Variants in VCL observed in about 807,000 individuals in gnomAD.
VCL encodes epididymis luminal protein 114.
Under a neutral mutation model 125.7 loss-of-function variants are expected in VCL, and 47 were observed. The observed-to-expected ratio is 0.37, with a 90% CI of 0.30 to 0.48. VCL has a LOEUF of 0.48. Among genes scored for constraint, VCL ranks in the 20% least tolerant of loss-of-function variants. The pLI is 0.99. For synonymous variants in VCL, 458 were observed against 514.6 expected, an observed-to-expected ratio of 0.89 and a Z score of 1.49; for missense variants, 1,069 against 1,455.5, an observed-to-expected ratio of 0.73 and a Z score of 4.32.
At chr10:74,113,658 T>G (rs918051924) in intron 19 of VCL, among the ~76,000 whole-genome samples, 5 of 152,090 alleles carry the variant, frequency 3.3e-5, no homozygotes, top group Admixed American at 3.3e-4. Flanking sequence ...AACGCTTGGC[T>G]GCTATTTGCA....
chr10:74,083,602 T>C, intron 8 of VCL, 89 bp downstream of exon 8: 1 of 1,526,280 alleles, frequency 6.6e-7, no homozygotes, highest in African/African-American at 1.4e-5. Flanking sequence ...CAGTTTTGAG[T>C]TATCTCTTTG....
intron 21 of VCL, among the ~76,000 whole-genome samples, chr10:74,115,561 G>A (rs1840299255): frequency 6.6e-6 from 1 of 152,146 alleles, no homozygotes; most frequent in Non-Finnish European, 1.5e-5. Flanking sequence ...CTTACCCTTG[G>A]AATAAGTTTG....
At chr10:74,030,996 C>T (rs374787850) in intron 1 of VCL, among the ~76,000 whole-genome samples, 1 of 152,272 alleles carries the variant, frequency 6.6e-6, no homozygotes, top group East Asian at 1.9e-4. Flanking sequence ...AGCTCTTGGC[C>T]TAGATCACTG....
chr10:74,050,046 A>T (rs1188374116), intron 2 of VCL, among the ~76,000 whole-genome samples: 1 of 152,228 alleles, frequency 6.6e-6, no homozygotes, highest in Non-Finnish European at 1.5e-5. Flanking sequence ...GACCTGATCC[A>T]AGGATGTTCA....
At position 74,084,761 on chromosome 10, in the gene VCL, C is replaced by T. The variant is rs142073951; in HGVS notation, c.1022+1248C>T. On this transcript the variant is annotated intron_variant, in intron 8 of 21. Transcript: ENST00000211998. ...CTGAGTAGCTAGGATTACAGGAATG[C>T]GCCACCATGCCCGGCTAAGTTTGTA... Among the ~76,000 whole-genome samples the T allele has an allele frequency of 4.0e-5, 6 of 151,548 alleles. 1 individual carries two copies. Among genetic ancestry groups the T allele is most frequent in the African/African-American group, 9.7e-5 (4 of 41,304 alleles).
chr10:74,118,417 A>G lies in VCL; in HGVS notation c.*248A>G. On this transcript the variant is annotated 3_prime_UTR_variant, in exon 22 of 22. Transcript: ENST00000211998. ...TTACACTTGTGCACCCTCTATCCCAATAGGCAGACTGGGTTTCTAGCCCAT... is the reference window on the plus strand; with the variant it reads ...TTACACTTGTGCACCCTCTATCCCAGTAGGCAGACTGGGTTTCTAGCCCAT... 1.9e-6 allele frequency: 1 copy of G among 519,596 alleles called. No homozygotes were observed. The highest frequency in any genetic ancestry group is 3.5e-6 in the Non-Finnish European group (1 of 288,390). The allele number at this position is 519,596 out of a possible 1,614,324, so 32.2% of individuals were successfully genotyped here. A position where few individuals can be genotyped will look rare whatever the true frequency, so the allele number is the denominator to read the frequency against.
intron 5 of VCL, among the ~76,000 whole-genome samples, chr10:74,073,577 G>T (rs1387355455): frequency 6.6e-6 from 1 of 152,172 alleles, no homozygotes; most frequent in African/African-American, 2.4e-5. Flanking sequence ...TGAACTCAGA[G>T]CCCTTTTTAG....
At chr10:74,096,635 T>A (rs1205896903) in intron 12 of VCL, among the ~76,000 whole-genome samples, 2 of 152,232 alleles carry the variant, frequency 1.3e-5, no homozygotes, top group Non-Finnish European at 2.9e-5. Context: ...TGTTCATGGC[T>A]TCTAAGAATA....
chr10:74,009,228 C>CCCCCCCCCCT (rs1840375924), intron 1 of VCL, among the ~76,000 whole-genome samples: 1 of 129,976 alleles, frequency 7.7e-6, no homozygotes, highest in Non-Finnish European at 1.7e-5. Context: ...CCCCCCCCCC[C>CCCCCCCCCCT]CCGAGCCATT....
intron 6 of VCL, among the ~76,000 whole-genome samples, chr10:74,081,972 A>G (rs1318893288): frequency 6.6e-6 from 1 of 152,228 alleles, no homozygotes; most frequent in East Asian, 1.9e-4. Flanking sequence ...GGTTAATTGA[A>G]TATAGTGAAA....
Position 74,090,164 on chromosome 10 carries a change from G to A in VCL, c.1318G>A (p.Ala440Thr). 1 of 1,614,150 alleles carries A rather than the reference G, an allele frequency of 6.2e-7. No homozygotes were observed. Among genetic ancestry groups the A allele is most frequent in the Non-Finnish European group, 8.5e-7 (1 of 1,180,020 alleles). The change falls in exon 10 of 22, where the codon GCT becomes ACT. Residue 440 changes from alanine (A) to threonine (T), a missense_variant. Coordinates refer to ENST00000211998, the MANE Select transcript of VCL (RefSeq NM_014000.3). ...TCTACGTTCCCTTGGGGAAATATCT[G>A]CTCTGACTTCTAAATTAGCAGATCT... ...DILRSLGEIS[A>T]LTSKLADLRR...
chr10:74,058,036 A>G (rs1273624417), intron 2 of VCL, among the ~76,000 whole-genome samples: 2 of 152,208 alleles, frequency 1.3e-5, no homozygotes, highest in Non-Finnish European at 1.5e-5. Context: ...GAAGTGATCT[A>G]TGCCTTTCTT....
intron 8 of VCL, among the ~76,000 whole-genome samples, chr10:74,086,441 C>T (rs1441331756): frequency 6.6e-6 from 1 of 152,226 alleles, no homozygotes; most frequent in African/African-American, 2.4e-5. Flanking sequence ...GAAGCAGTCT[C>T]CTCTGTCATG....
At chr10:74,114,493 AACT>A in intron 20 of VCL, 106 bp downstream of exon 20, 1 of 1,386,850 alleles carries the variant, frequency 7.2e-7, no homozygotes, top group Admixed American at 2.0e-5. Context: ...AGGAGAGAAA[AACT>A]AGGTAAGGGA....
chr10:74,062,197 C>A (rs1048927589), intron 2 of VCL, among the ~76,000 whole-genome samples: 1 of 152,012 alleles, frequency 6.6e-6, no homozygotes, highest in Non-Finnish European at 1.5e-5. Flanking sequence ...TCCTGAGTAG[C>A]TGGGACTATA....
At chr10:74,042,809 T>G (rs1841119611) in intron 1 of VCL, among the ~76,000 whole-genome samples, 1 of 152,222 alleles carries the variant, frequency 6.6e-6, no homozygotes, top group Non-Finnish European at 1.5e-5. Context: ...AATGATGAAT[T>G]TCTCCTATTA....
At chr10:74,089,664 G>C (rs1461630026) in intron 9 of VCL, among the ~76,000 whole-genome samples, 4 of 152,132 alleles carry the variant, frequency 2.6e-5, no homozygotes, top group African/African-American at 9.7e-5. Context: ...ACAACTCTTG[G>C]GTCATTGTAA....
At chr10:74,007,483 C>T (rs186064839) in intron 1 of VCL, among the ~76,000 whole-genome samples, 53 of 152,158 alleles carry the variant, frequency 3.5e-4, no homozygotes, top group African/African-American at 1.0e-3. Flanking sequence ...TATGCCTCTC[C>T]GGGTTATAGG....
intron 1 of VCL, among the ~76,000 whole-genome samples, chr10:74,011,667 T>C (rs1376422255): frequency 1.3e-5 from 2 of 152,236 alleles, no homozygotes; most frequent in Non-Finnish European, 2.9e-5. Flanking sequence ...TCTCTTTTCC[T>C]GCCCTCAAAT....
Sources: gnomAD v4.1 joint callset for allele counts (sites outside exome capture counted in the v4.1 genomes callset) on GRCh38, gnomAD v4.1.1 for gene constraint, MANE v1.5 for transcripts, NCBI Gene and HGNC (gene_info 2026-07-23, HGNC 2026-07-21) for gene names.